The following NPAS3 variants were observed in gnomAD, a reference collection of about 807,000 sequenced individuals.
The protein encoded by NPAS3 is neuronal PAS domain protein 3.
A neutral mutation model predicts 73.1 loss-of-function variants in NPAS3; 14 were observed. The ratio of observed to expected loss-of-function variants is 0.19; its 90% CI spans 0.13 to 0.30. The LOEUF (loss-of-function observed/expected upper bound fraction) is 0.30, where lower values mean the gene tolerates loss of function less well. Among genes scored for constraint, NPAS3 ranks in the 10% least tolerant of loss-of-function variants. The pLI, the probability that NPAS3 is intolerant of heterozygous loss-of-function variation, is 1.00. For missense variants in NPAS3, 1,096 were observed against 1,250.0 expected (o/e 0.88, Z 1.86); for synonymous variants, 620 against 541.5 (o/e 1.14, Z -2.01).
At chr14:33,298,248 G>A (rs1001598754) in intron 3 of NPAS3, among the ~76,000 whole-genome samples, 1 of 152,108 alleles carries the variant, frequency 6.6e-6, no homozygotes, top group Admixed American at 6.5e-5. Context: ...GTACCACCGC[G>A]CTCCAGCCTG....
At chr14:33,548,325 TA>T (rs943075815) in intron 4 of NPAS3, among the ~76,000 whole-genome samples, 1 of 152,246 alleles carries the variant, frequency 6.6e-6, no homozygotes, top group African/African-American at 2.4e-5. Flanking sequence ...TATCCATTTT[TA>T]AATTATTTTT....
At chr14:33,269,998 T>C (rs2040996507) in intron 3 of NPAS3, among the ~76,000 whole-genome samples, 1 of 152,120 alleles carries the variant, frequency 6.6e-6, no homozygotes, top group South Asian at 2.1e-4. Flanking sequence ...GGGAGTGCTC[T>C]CAAGTGAAAC....
intron 5 of NPAS3, among the ~76,000 whole-genome samples, chr14:33,591,939 C>T (rs2057082492): frequency 6.6e-6 from 1 of 152,188 alleles, no homozygotes; most frequent in African/African-American, 2.4e-5. Flanking sequence ...CTCTTACTCC[C>T]CAGACACCCT....
intron 1 of NPAS3, among the ~76,000 whole-genome samples, chr14:32,999,326 A>G (rs2038713093): frequency 6.6e-6 from 1 of 152,128 alleles, no homozygotes; most frequent in Admixed American, 6.5e-5. Context: ...CCTGGCTAAC[A>G]CGGTGAAACC....
At chr14:33,457,139 T>A (rs768738638) in intron 4 of NPAS3, among the ~76,000 whole-genome samples, 5 of 152,228 alleles carry the variant, frequency 3.3e-5, no homozygotes, top group Admixed American at 6.5e-5. Context: ...TCTGTGAATT[T>A]AGGTCACACC....
intron 3 of NPAS3, among the ~76,000 whole-genome samples, chr14:33,310,812 C>T (rs1484698984): frequency 2.0e-5 from 3 of 151,554 alleles, no homozygotes; most frequent in African/African-American, 7.3e-5. Flanking sequence ...CACACACACA[C>T]ACACACACAC....
intron 2 of NPAS3, among the ~76,000 whole-genome samples, chr14:33,160,821 T>C (rs890524038): frequency 9.9e-5 from 15 of 152,096 alleles, no homozygotes; most frequent in Non-Finnish European, 1.9e-4. Context: ...AGTTCCGCCA[T>C]GTGGCCAGTG....
chr14:33,596,299 T>C (rs1417605371), intron 5 of NPAS3, among the ~76,000 whole-genome samples: 1 of 152,238 alleles, frequency 6.6e-6, no homozygotes, highest in Non-Finnish European at 1.5e-5. Context: ...ATCCAGAGGT[T>C]TCAAAGCTAA....
intron 3 of NPAS3, among the ~76,000 whole-genome samples, chr14:33,336,640 G>A (rs955817452): frequency 1.3e-5 from 2 of 152,126 alleles, no homozygotes; most frequent in African/African-American, 4.8e-5. Context: ...ACTGATTAGG[G>A]ACCTTAATCA....
chr14:33,061,345 A>G (rs1180550529), intron 2 of NPAS3, among the ~76,000 whole-genome samples: 1 of 152,236 alleles, frequency 6.6e-6, no homozygotes, highest in East Asian at 1.9e-4. Flanking sequence ...AGTAAATAAC[A>G]AAGGATTGAG....
intron 2 of NPAS3, among the ~76,000 whole-genome samples, chr14:33,213,036 C>T (rs1395746342): frequency 6.6e-6 from 1 of 152,128 alleles, no homozygotes; most frequent in Admixed American, 6.6e-5. Context: ...CAGATGTTGT[C>T]CTCTAGAAGT....
intron 2 of NPAS3, among the ~76,000 whole-genome samples, chr14:33,130,839 C>G (rs914659687): frequency 6.6e-6 from 1 of 152,168 alleles, no homozygotes; most frequent in African/African-American, 2.4e-5. Context: ...ACTCTTGACA[C>G]AGCATCTCTC....
intron 3 of NPAS3, among the ~76,000 whole-genome samples, chr14:33,342,425 G>T (rs1403912879): frequency 6.6e-6 from 1 of 152,214 alleles, no homozygotes. Flanking sequence ...TGTTCCTGGA[G>T]CAATGTCTCA....
At chr14:33,645,324 AT>A in intron 5 of NPAS3, among the ~76,000 whole-genome samples, 1 of 152,270 alleles carries the variant, frequency 6.6e-6, no homozygotes, top group South Asian at 2.1e-4. Context: ...GGATTCCAGA[AT>A]TGCATATTAA....
intron 5 of NPAS3, among the ~76,000 whole-genome samples, chr14:33,622,262 G>C (rs2058097054): frequency 6.6e-6 from 1 of 151,608 alleles, no homozygotes. Flanking sequence ...CAATAAAGTG[G>C]AACCATAAGA....
At chr14:33,592,632 C>T (rs1234271691) in intron 5 of NPAS3, among the ~76,000 whole-genome samples, 1 of 152,042 alleles carries the variant, frequency 6.6e-6, no homozygotes, top group Non-Finnish European at 1.5e-5. Context: ...TTTTGGAAGA[C>T]AGTAAATTAA....
At chr14:33,570,391 G>A (rs1225408188) in intron 5 of NPAS3, among the ~76,000 whole-genome samples, 2 of 152,128 alleles carry the variant, frequency 1.3e-5, no homozygotes, top group African/African-American at 4.8e-5. Flanking sequence ...TTGCATGCTT[G>A]TGATGTCCTG....
At position 33,635,216 on chromosome 14, in the gene NPAS3, G is replaced by C. The variant is rs180839567; in HGVS notation, c.559-40995G>C. 4.5e-4 allele frequency among the ~76,000 whole-genome samples: 68 copies of C among 152,340 alleles called. 1 individual carries two copies. The Middle Eastern group carries it at 0.031, about 69-fold the overall frequency. The stretch of plus-strand genomic sequence containing the variant: ...GTAATTTTGAATACTGTGGAGCCAG[G>C]TAGGAAGAGGCCTGGGATATGCCCA... On this transcript the variant is annotated intron_variant, in intron 5 of 11. Coordinates refer to ENST00000356141, the Ensembl canonical transcript of NPAS3.
At chr14:33,721,681 TATTTAGGTTTC>T (rs1223483361) in intron 6 of NPAS3, among the ~76,000 whole-genome samples, 1 of 152,182 alleles carries the variant, frequency 6.6e-6, no homozygotes, top group Admixed American at 6.6e-5. Context: ...CAAGAAAATT[TATTTAGGTTTC>T]ATTTTGCTTG....
Sources: gnomAD v4.1 joint callset for allele counts (sites outside exome capture counted in the v4.1 genomes callset) on GRCh38, gnomAD v4.1.1 for gene constraint, MANE v1.5 for transcripts, NCBI Gene and HGNC (gene_info 2026-07-23, HGNC 2026-07-21) for gene names.